RNF111: variants seen among roughly 807,000 people sequenced by gnomAD.
RNF111 encodes E3 ubiquitin-protein ligase Arkadia.
RNF111 carries 17 observed loss-of-function variants against 95.1 expected under a neutral mutation model. The ratio of observed to expected loss-of-function variants is 0.18; its 90% CI spans 0.12 to 0.27. The LOEUF is 0.27. Ranked by LOEUF, RNF111 falls within the 10% of genes least tolerant of loss-of-function variation. The probability of loss-of-function intolerance (pLI) is 1.00; values close to 1 mark genes in which losing one functional copy is unlikely to be tolerated. For synonymous variants in RNF111, 440 were observed against 414.8 expected (o/e 1.06, Z -0.74); for missense variants, 1,189 against 1,210.4 (o/e 0.98, Z 0.26).
At chr15:59,072,838 G>C (rs2042998242) in intron 6 of RNF111, among the ~76,000 whole-genome samples, 1 of 144,972 alleles carries the variant, frequency 6.9e-6, no homozygotes, top group Non-Finnish European at 1.5e-5. Flanking sequence ...TTGTTTGTTT[G>C]TTTGTTTAAA....
intron 1 of RNF111, among the ~76,000 whole-genome samples, chr15:58,999,814 C>G (rs1377993984): frequency 4.6e-5 from 7 of 152,182 alleles, no homozygotes; most frequent in Non-Finnish European, 8.8e-5. Context: ...GTGGCAGCAT[C>G]TGCTTCTGGG....
intron 5 of RNF111, among the ~76,000 whole-genome samples, chr15:59,063,185 A>G (rs1250305804): frequency 3.3e-5 from 5 of 152,206 alleles, no homozygotes; most frequent in Admixed American, 1.3e-4. Flanking sequence ...AATTAAATAT[A>G]GAAAGTGCTT....
At chr15:58,990,454 G>A (rs1426478663) in intron 1 of RNF111, among the ~76,000 whole-genome samples, 1 of 152,164 alleles carries the variant, frequency 6.6e-6, no homozygotes, top group South Asian at 2.1e-4. Flanking sequence ...GAGGTGACCA[G>A]TCTGGCCAAA....
At chr15:58,989,171 T>C (rs1295671927) in intron 1 of RNF111, among the ~76,000 whole-genome samples, 5 of 152,346 alleles carry the variant, frequency 3.3e-5, no homozygotes, top group Non-Finnish European at 7.4e-5. Flanking sequence ...TGATAGTTTA[T>C]TACTATATGT....
intron 1 of RNF111, among the ~76,000 whole-genome samples, chr15:59,027,026 A>T (rs1212457771): frequency 6.6e-6 from 1 of 152,222 alleles, no homozygotes; most frequent in African/African-American, 2.4e-5. Flanking sequence ...GGGACATGAA[A>T]TGATGGAAAA....
chr15:59,038,017 A>C (rs1477520807), intron 2 of RNF111, among the ~76,000 whole-genome samples: 1 of 152,204 alleles, frequency 6.6e-6, no homozygotes, highest in Non-Finnish European at 1.5e-5. Flanking sequence ...AAATAGTCAT[A>C]TGTCTTATTA....
At chr15:58,997,460 CAG>C (rs1208695993) in intron 1 of RNF111, among the ~76,000 whole-genome samples, 1 of 151,496 alleles carries the variant, frequency 6.6e-6, no homozygotes, top group Non-Finnish European at 1.5e-5. Context: ...CAAATCAAGA[CAG>C]TGGCCAAACT....
intron 1 of RNF111, among the ~76,000 whole-genome samples, chr15:59,001,527 ACTTTTG>A (rs2039324155): frequency 6.6e-6 from 1 of 152,160 alleles, no homozygotes; most frequent in Non-Finnish European, 1.5e-5. Flanking sequence ...AAAAATGTGA[ACTTTTG>A]CTTTTGATAA....
At chr15:59,068,432 T>A (rs1415276203) in intron 6 of RNF111, among the ~76,000 whole-genome samples, 1 of 150,804 alleles carries the variant, frequency 6.6e-6, no homozygotes, top group South Asian at 2.1e-4. Context: ...CATGGTGAAA[T>A]CCCATTTCTA....
chr15:59,026,344 T>A (rs2040606356), intron 1 of RNF111, among the ~76,000 whole-genome samples: 1 of 152,126 alleles, frequency 6.6e-6, no homozygotes, highest in South Asian at 2.1e-4. Flanking sequence ...CTAATAGTGG[T>A]GTATTCTACA....
At chr15:59,043,580 G>A (rs2041569707) in intron 2 of RNF111, among the ~76,000 whole-genome samples, 1 of 152,222 alleles carries the variant, frequency 6.6e-6, no homozygotes, top group African/African-American at 2.4e-5. Context: ...CTGTAGGTAG[G>A]TAGAGGTCAA....
intron 1 of RNF111, among the ~76,000 whole-genome samples, chr15:59,013,803 T>C (rs895940380): frequency 1.3e-5 from 2 of 152,148 alleles, no homozygotes; most frequent in African/African-American, 4.8e-5. Context: ...TTCTTTTTTT[T>C]TGGAGACAAG....
intron 3 of RNF111, 87 bp from the exon 4 acceptor site, chr15:59,055,595 A>G: frequency 9.7e-7 from 1 of 1,033,500 alleles, no homozygotes; most frequent in South Asian, 2.3e-5. Context: ...GAAAAACTTA[A>G]CATTTAGTAA....
rs1199975646 is a variant in RNF111 at position 58,987,703 on chromosome 15, G to GGCGGCGGCGGCGAA, written c.-372_-359dup. 17 of 179,182 alleles carry GGCGGCGGCGGCGAA rather than the reference G, an allele frequency of 9.5e-5. No homozygotes were observed. Among genetic ancestry groups the GGCGGCGGCGGCGAA allele is most frequent in the African/African-American group, 3.8e-4 (16 of 41,622 alleles). 11.1% of individuals were successfully genotyped at this position (179,182 alleles called of 1,614,324 possible). A position where few individuals can be genotyped will look rare whatever the true frequency, so the allele number is the denominator to read the frequency against. Reference sequence around the variant, plus strand: ...TCGGTAGGGGAGGAATTGGTTAGGCGGCGGCGGCGGCGAAGCGGCGGCGGC... The same window carrying GGCGGCGGCGGCGAA: ...TCGGTAGGGGAGGAATTGGTTAGGCGGCGGCGGCGGCGAAGCGGCGGCGGCGAAGCGGCGGCGGC... On this transcript the variant is annotated 5_prime_UTR_variant, in exon 1 of 14. Transcript: ENST00000348370.
chr15:59,026,920 T>A (rs1303567327), intron 1 of RNF111, among the ~76,000 whole-genome samples: 5 of 152,178 alleles, frequency 3.3e-5, no homozygotes, highest in South Asian at 2.1e-4. Flanking sequence ...CCACCCCCCC[T>A]TGCTCTCCTC....
chr15:59,092,393 AT>A, intron 12 of RNF111, 143 bp from the exon 13 acceptor site: 1 of 701,660 alleles, frequency 1.4e-6, no homozygotes, highest in Middle Eastern at 3.0e-4. Context: ...TCATCCATTT[AT>A]TTATGACAGT....
intron 1 of RNF111, among the ~76,000 whole-genome samples, chr15:59,012,255 G>T (rs1184728046): frequency 1.3e-5 from 2 of 152,018 alleles, no homozygotes; most frequent in Admixed American, 1.3e-4. Flanking sequence ...CTGACCTCAG[G>T]TGGTCCACTT....
rs1596257073 is a variant in RNF111 at position 59,066,942 on chromosome 15, T to TCAC, written c.1557_1559dup (p.His520dup). The TCAC allele has an allele frequency of 1.5e-5, 24 of 1,614,004 alleles. No homozygotes were observed. Among genetic ancestry groups the TCAC allele is most frequent in the Non-Finnish European group, 1.9e-5 (23 of 1,179,972 alleles). ...AGCATGGTCACCATTTTCAACATCA[T>TCAC]CACCACCACCACCATACTCCCCACC... is the stretch of plus-strand genomic sequence containing the variant. On this transcript the variant is annotated inframe_insertion, in exon 6 of 14. Coordinates refer to ENST00000348370, the MANE Select transcript of RNF111 (RefSeq NM_017610.8).
chr15:59,091,534 T>C (rs2079052951), intron 12 of RNF111, among the ~76,000 whole-genome samples: 1 of 152,258 alleles, frequency 6.6e-6, no homozygotes, highest in East Asian at 1.9e-4. Context: ...TTATTATTTT[T>C]AATAGCTTAT....
Sources: gnomAD v4.1 joint callset for allele counts (sites outside exome capture counted in the v4.1 genomes callset) on GRCh38, gnomAD v4.1.1 for gene constraint, MANE v1.5 for transcripts, NCBI Gene and HGNC (gene_info 2026-07-23, HGNC 2026-07-21) for gene names.